The following EVI5 variants were observed in gnomAD, a reference collection of about 807,000 sequenced individuals.
EVI5 encodes ecotropic viral integration site 5 protein homolog.
Under a neutral mutation model 112.0 loss-of-function variants are expected in EVI5, and 73 were observed. The observed-to-expected ratio is 0.65, with a 90% CI of 0.54 to 0.79. The LOEUF (loss-of-function observed/expected upper bound fraction) is 0.79, where lower values mean the gene tolerates loss of function less well. EVI5 is among the 30% of genes least tolerant of loss of function. The probability of loss-of-function intolerance (pLI) is 0.00; values close to 1 mark genes in which losing one functional copy is unlikely to be tolerated. For synonymous variants in EVI5, 305 were observed against 319.9 expected (o/e 0.95, Z 0.50); for missense variants, 900 against 968.8 (o/e 0.93, Z 0.94).
intron 10 of EVI5, among the ~76,000 whole-genome samples, chr1:92,670,821 C>T (rs901052526): frequency 1.4e-4 from 21 of 152,258 alleles, no homozygotes; most frequent in Middle Eastern, 3.4e-3. Context: ...GCTCCCAAAA[C>T]CACATCCTAC....
intron 19 of EVI5, among the ~76,000 whole-genome samples, chr1:92,550,168 T>C (rs1253303407): frequency 1.3e-5 from 2 of 152,040 alleles, no homozygotes; most frequent in Admixed American, 1.3e-4. Context: ...TATGCAGCCA[T>C]AAAAAACAAT....
At position 92,543,371 on chromosome 1, in the gene EVI5, C is replaced by T. The variant is rs949075549; in HGVS notation, c.2166+20271G>A. 6.6e-5 allele frequency among the ~76,000 whole-genome samples: 10 copies of T among 152,358 alleles called. No homozygotes were observed. In the South Asian group the frequency reaches 8.3e-4, roughly 13 times the overall value. ...CCTTCTGCAGCTTCCTCACTTCTCTCAGCCTTCAAAGAATTGAAGAGAGTT... is the reference window on the plus strand; with the variant it reads ...CCTTCTGCAGCTTCCTCACTTCTCTTAGCCTTCAAAGAATTGAAGAGAGTT... On this transcript the variant is annotated intron_variant, in intron 19 of 19. Coordinates refer to ENST00000684568, the MANE Select transcript of EVI5 (RefSeq NM_001350197.2).
chr1:92,787,752 A>AG (rs991342760), upstream of EVI5, among the ~76,000 whole-genome samples: 1 of 151,752 alleles, frequency 6.6e-6, no homozygotes, highest in African/African-American at 2.4e-5. Flanking sequence ...AAAAAAAAAA[A>AG]AGAGAGAGAA....
chr1:92,513,606 TATG>T lies in EVI5; in HGVS notation c.*47_*49del, dbSNP rs1345196733. Reference sequence around the variant, plus strand: ...AATTATTTCCAAAAAGCCCTAATCATATGATAACTGATCCCTTAAATAAATCCA... The same window carrying T: ...AATTATTTCCAAAAAGCCCTAATCATATAACTGATCCCTTAAATAAATCCA... On this transcript the variant is annotated 3_prime_UTR_variant, in exon 20 of 20. Transcript: ENST00000684568. 2 of 1,180,544 alleles carry T rather than the reference TATG, an allele frequency of 1.7e-6. No individual in the cohort carries two copies. The highest frequency in any genetic ancestry group is 2.5e-5 in the Admixed American group (1 of 40,212). 73.1% of individuals were successfully genotyped at this position (1,180,544 alleles called of 1,614,324 possible). A position where few individuals can be genotyped will look rare whatever the true frequency, so the allele number is the denominator to read the frequency against.
intron 13 of EVI5, among the ~76,000 whole-genome samples, chr1:92,655,019 G>C (rs1662767692): frequency 1.3e-5 from 2 of 152,076 alleles, no homozygotes; most frequent in Admixed American, 1.3e-4. Flanking sequence ...GTATTCCTGA[G>C]GGAGATGAAA....
chr1:92,653,547 C>A (rs902061910), intron 13 of EVI5, among the ~76,000 whole-genome samples: 1 of 152,244 alleles, frequency 6.6e-6, no homozygotes, highest in African/African-American at 2.4e-5. Context: ...TCCTCCTCAA[C>A]CCCACTGCTG....
chr1:92,676,625 G>A (rs994579639), intron 10 of EVI5, among the ~76,000 whole-genome samples: 1 of 152,094 alleles, frequency 6.6e-6, no homozygotes, highest in African/African-American at 2.4e-5. Flanking sequence ...TATATTTTTA[G>A]GGTACATATA....
Position 92,625,830 on chromosome 1 carries a change from A to G in EVI5, c.1632T>C (p.Leu544=), listed in dbSNP as rs200025759. The G allele has an allele frequency of 1.5e-5, 24 of 1,613,168 alleles. No individual in the cohort carries two copies. The East Asian group carries it at 5.1e-4, about 35-fold the overall frequency. Residue 544 remains leucine (L), a synonymous_variant, in exon 15 of 20, where the codon CTT becomes CTC. Coordinates refer to ENST00000684568, the MANE Select transcript of EVI5 (RefSeq NM_001350197.2). ...EAEAIMGLKE[L]RQQVKDLEEH... is the part of the protein sequence containing the mutation. ...CCTCTAAATCCTTGACTTGCTGTCT[A>G]AGTTCTTTCAAACCCATAATGGCTT... is the stretch of plus-strand genomic sequence containing the variant.
intron 13 of EVI5, among the ~76,000 whole-genome samples, chr1:92,650,646 T>C (rs1191486678): frequency 6.6e-6 from 1 of 152,112 alleles, no homozygotes; most frequent in Non-Finnish European, 1.5e-5. Context: ...TGGAATAAAA[T>C]CTATAATCTT....
At chr1:92,599,227 T>C (rs934305570) in intron 18 of EVI5, among the ~76,000 whole-genome samples, 2 of 151,954 alleles carry the variant, frequency 1.3e-5, no homozygotes, top group African/African-American at 4.8e-5. Context: ...TTTCATTATA[T>C]GAATAACAGA....
intron 18 of EVI5, among the ~76,000 whole-genome samples, chr1:92,579,657 G>A (rs1671634379): frequency 6.6e-6 from 1 of 152,056 alleles, no homozygotes; most frequent in Non-Finnish European, 1.5e-5. Context: ...ATAAATGGGA[G>A]TTCACCTTTT....
chr1:92,745,865 A>G (rs933527969), intron 1 of EVI5, among the ~76,000 whole-genome samples: 1 of 152,194 alleles, frequency 6.6e-6, no homozygotes, highest in Non-Finnish European at 1.5e-5. Flanking sequence ...CAGACCATTC[A>G]TTACTCTTCA....
intron 18 of EVI5, among the ~76,000 whole-genome samples, chr1:92,568,123 T>C (rs981270307): frequency 1.3e-5 from 2 of 152,002 alleles, no homozygotes; most frequent in African/African-American, 4.8e-5. Flanking sequence ...ACTGTATTCC[T>C]AGCACTTTCA....
chr1:92,744,353 C>T (rs1678918736), intron 1 of EVI5, among the ~76,000 whole-genome samples: 1 of 151,966 alleles, frequency 6.6e-6, no homozygotes, highest in Non-Finnish European at 1.5e-5. Context: ...TCAGCTATAG[C>T]CTAACTGATT....
intron 13 of EVI5, among the ~76,000 whole-genome samples, chr1:92,643,896 G>A (rs757861988): frequency 2.8e-5 from 4 of 142,114 alleles, no homozygotes; most frequent in Non-Finnish European, 6.2e-5. Flanking sequence ...TGAGTCAGAG[G>A]GAGCTAGAGA....
chr1:92,753,771 A>C (rs1680526265), intron 1 of EVI5, among the ~76,000 whole-genome samples: 1 of 152,206 alleles, frequency 6.6e-6, no homozygotes, highest in East Asian at 1.9e-4. Context: ...TCTGAATATA[A>C]TTAGATATAA....
intron 2 of EVI5, among the ~76,000 whole-genome samples, chr1:92,733,530 C>A (rs979895687): frequency 4.6e-5 from 7 of 151,798 alleles, no homozygotes; most frequent in Admixed American, 4.6e-4. Flanking sequence ...CTCAGCCTCC[C>A]GAGTAGCTGG....
At chr1:92,717,474 C>T (rs1673927650) in intron 2 of EVI5, among the ~76,000 whole-genome samples, 1 of 152,114 alleles carries the variant, frequency 6.6e-6, no homozygotes, top group African/African-American at 2.4e-5. Flanking sequence ...AAATAAAATC[C>T]TTTACAGACA....
intron 18 of EVI5, among the ~76,000 whole-genome samples, chr1:92,592,991 A>G (rs1674252743): frequency 6.6e-6 from 1 of 152,252 alleles, no homozygotes; most frequent in South Asian, 2.1e-4. Flanking sequence ...TACCAGAGGT[A>G]CAATGAGGAG....
Sources: gnomAD v4.1 joint callset for allele counts (sites outside exome capture counted in the v4.1 genomes callset) on GRCh38, gnomAD v4.1.1 for gene constraint, MANE v1.5 for transcripts, NCBI Gene and HGNC (gene_info 2026-07-23, HGNC 2026-07-21) for gene names.